NGEF: variants seen among roughly 807,000 people sequenced by gnomAD.
NGEF encodes the protein ephexin-1.
In NGEF, 31 loss-of-function variants were observed where a neutral mutation model predicts 80.9. That is an observed-to-expected ratio of 0.38 (90% CI 0.29 to 0.52). The LOEUF (loss-of-function observed/expected upper bound fraction) is 0.52, where lower values mean the gene tolerates loss of function less well. Among genes scored for constraint, NGEF ranks in the 20% least tolerant of loss-of-function variants. The probability of loss-of-function intolerance (pLI) is 0.84; values close to 1 mark genes in which losing one functional copy is unlikely to be tolerated. For missense variants in NGEF, 709 were observed against 926.2 expected (o/e 0.77, Z 3.04); for synonymous variants, 371 against 370.2 (o/e 1.00, Z -0.03).
At chr2:232,992,563 T>TA (rs1297190578) in intron 1 of NGEF, among the ~76,000 whole-genome samples, 3 of 150,586 alleles carry the variant, frequency 2.0e-5, no homozygotes, top group African/African-American at 2.4e-5. Flanking sequence ...AAACAAAATT[T>TA]AAAAAAAAGA....
At chr2:232,966,176 C>G (rs183017350) in intron 3 of NGEF, among the ~76,000 whole-genome samples, 2 of 152,172 alleles carry the variant, frequency 1.3e-5, no homozygotes, top group African/African-American at 4.8e-5. Context: ...CTCCCCACCC[C>G]CCAGCTGCTG....
intron 5 of NGEF, among the ~76,000 whole-genome samples, chr2:232,902,717 G>A (rs901555169): frequency 2.6e-5 from 4 of 152,218 alleles, no homozygotes; most frequent in African/African-American, 4.8e-5. Flanking sequence ...AAACCACAAC[G>A]AGGCCGGGTG....
intron 5 of NGEF, among the ~76,000 whole-genome samples, chr2:232,906,245 G>C (rs1443265253): frequency 9.1e-6 from 1 of 110,378 alleles, no homozygotes; most frequent in Non-Finnish European, 1.9e-5. Flanking sequence ...CGCCCGGCCA[G>C]CCGCCCCATC....
intron 3 of NGEF, among the ~76,000 whole-genome samples, chr2:232,933,365 A>G (rs1225038653): frequency 1.3e-5 from 2 of 152,034 alleles, no homozygotes. Context: ...AGCCAAGTAG[A>G]ACTTGGGCGC....
chr2:232,997,362 C>A (rs78747772), intron 1 of NGEF, among the ~76,000 whole-genome samples: 3 of 152,112 alleles, frequency 2.0e-5, no homozygotes, highest in Non-Finnish European at 2.9e-5. Context: ...AGGGGCAGCA[C>A]GCCTCACAGG....
intron 1 of NGEF, among the ~76,000 whole-genome samples, chr2:232,995,715 CATATA>C (rs1260663024): frequency 1.3e-4 from 19 of 141,264 alleles, no homozygotes; most frequent in East Asian, 1.0e-3. Flanking sequence ...TGTGTATATA[CATATA>C]ATATATTATA....
At chr2:232,956,982 A>C (rs564150509) in intron 3 of NGEF, among the ~76,000 whole-genome samples, 1 of 152,182 alleles carries the variant, frequency 6.6e-6, no homozygotes, top group East Asian at 1.9e-4. Flanking sequence ...AGGGGGAAAA[A>C]AGATTTGGCA....
At position 232,945,357 on chromosome 2, in the gene NGEF, G is replaced by T. The variant is rs975903439; in HGVS notation, c.384-18171C>A. On this transcript the variant is annotated intron_variant, in intron 3 of 14. Coordinates refer to ENST00000264051, the MANE Select transcript of NGEF (RefSeq NM_019850.3). ...TAAAAATATATACTCAAGTCCTAAC[G>T]CCTGGTACCCATGCTTGTGACTTGA... 4.6e-5 allele frequency among the ~76,000 whole-genome samples: 7 copies of T among 152,158 alleles called. No individual in the cohort carries two copies. The East Asian group carries it at 7.7e-4, about 17-fold the overall frequency.
intron 2 of NGEF, 106 bp downstream of exon 2, chr2:232,974,517 A>G (rs1694250966): frequency 1.5e-6 from 2 of 1,319,878 alleles, no homozygotes; most frequent in Non-Finnish European, 2.1e-6. Context: ...TGTCCTTGGT[A>G]CTTTTCAATG....
intron 8 of NGEF, among the ~76,000 whole-genome samples, chr2:232,889,086 G>A (rs191937843): frequency 1.6e-4 from 24 of 152,216 alleles, no homozygotes; most frequent in East Asian, 1.4e-3. Context: ...TCACCTGCCC[G>A]CCTCTGCCTG....
At chr2:232,995,696 T>G (rs1381894543) in intron 1 of NGEF, among the ~76,000 whole-genome samples, 1 of 139,720 alleles carries the variant, frequency 7.2e-6, no homozygotes, top group Admixed American at 7.2e-5. Context: ...TTATAGTGTA[T>G]GTATTATATG....
At chr2:232,888,982 G>C (rs1047399582) in intron 8 of NGEF, among the ~76,000 whole-genome samples, 1 of 152,066 alleles carries the variant, frequency 6.6e-6, no homozygotes, top group African/African-American at 2.4e-5. Flanking sequence ...AGTAGGCTGG[G>C]TGCATCTGGG....
At chr2:232,998,214 A>T (rs979819050) in intron 1 of NGEF, among the ~76,000 whole-genome samples, 1 of 152,014 alleles carries the variant, frequency 6.6e-6, no homozygotes, top group African/African-American at 2.4e-5. Flanking sequence ...CTTCACAACA[A>T]CCCCAGGGGA....
chr2:232,952,938 A>G (rs941150740), intron 3 of NGEF, among the ~76,000 whole-genome samples: 2 of 133,616 alleles, frequency 1.5e-5, no homozygotes, highest in East Asian at 4.6e-4. Context: ...ACTGCACTCC[A>G]ACAAGAGTGC....
chr2:232,921,796 G>A (rs1692950511), intron 4 of NGEF, among the ~76,000 whole-genome samples: 1 of 152,184 alleles, frequency 6.6e-6, no homozygotes, highest in African/African-American at 2.4e-5. Context: ...CATTTGACAA[G>A]CATAGACTGG....
intron 1 of NGEF, among the ~76,000 whole-genome samples, chr2:232,985,563 T>C (rs916044701): frequency 4.0e-5 from 6 of 151,652 alleles, no homozygotes; most frequent in Non-Finnish European, 8.8e-5. Context: ...CCATCCTGGC[T>C]AACATGGTGA....
chr2:232,884,473 T>G (rs779786588), intron 10 of NGEF, among the ~76,000 whole-genome samples: 1 of 152,232 alleles, frequency 6.6e-6, no homozygotes, highest in Non-Finnish European at 1.5e-5. Context: ...CACTGCTGTT[T>G]ACATGTGTGC....
chr2:232,987,211 T>G (rs2106331526), intron 1 of NGEF, among the ~76,000 whole-genome samples: 1 of 152,162 alleles, frequency 6.6e-6, no homozygotes, highest in African/African-American at 2.4e-5. Flanking sequence ...AGAGATGAGG[T>G]TTCACCATGT....
At chr2:232,995,618 C>T (rs548271500) in intron 1 of NGEF, among the ~76,000 whole-genome samples, 21 of 66,874 alleles carry the variant, frequency 3.1e-4, no homozygotes, top group Non-Finnish European at 5.6e-4. Flanking sequence ...AGTATGTATA[C>T]GTATGTATAC....
Sources: gnomAD v4.1 joint callset for allele counts (sites outside exome capture counted in the v4.1 genomes callset) on GRCh38, gnomAD v4.1.1 for gene constraint, MANE v1.5 for transcripts, NCBI Gene and HGNC (gene_info 2026-07-23, HGNC 2026-07-21) for gene names.